JAKMIP2: variants seen among roughly 807,000 people sequenced by gnomAD.
JAKMIP2 encodes janus kinase and microtubule interacting protein 2.
Under a neutral mutation model 115.0 loss-of-function variants are expected in JAKMIP2, and 25 were observed. That is an observed-to-expected ratio of 0.22 (90% CI 0.16 to 0.30). The LOEUF (loss-of-function observed/expected upper bound fraction) is 0.30. Ranked by LOEUF, JAKMIP2 falls within the 10% of genes least tolerant of loss-of-function variation. JAKMIP2 has a pLI of 1.00. For synonymous variants in JAKMIP2, 334 were observed against 343.6 expected, an observed-to-expected ratio of 0.97 and a Z score of 0.31; for missense variants, 642 against 957.6, an observed-to-expected ratio of 0.67 and a Z score of 4.35.
Position 147,586,055 on chromosome 5 carries a change from G to A in JAKMIP2, c.*5652C>T, listed in dbSNP as rs1023895429. Reference sequence around the variant, plus strand: ...GCCTGGATAATTGAAAAACCGAGTGGTCTCTGCCTCAGTCAACAATTGGAA... The same window carrying A: ...GCCTGGATAATTGAAAAACCGAGTGATCTCTGCCTCAGTCAACAATTGGAA... On this transcript the variant is annotated 3_prime_UTR_variant, in exon 22 of 22. Coordinates refer to ENST00000616793, the MANE Select transcript of JAKMIP2 (RefSeq NM_001270941.2). 2.6e-5 allele frequency: 4 copies of A among 151,994 alleles called. No homozygotes were observed. The highest frequency in any genetic ancestry group is 9.7e-5 in the African/African-American group (4 of 41,356). 9.4% of individuals were successfully genotyped at this position (151,994 alleles called of 1,614,324 possible).
At chr5:147,723,563 T>C (rs1027136707) in intron 1 of JAKMIP2, among the ~76,000 whole-genome samples, 9 of 152,160 alleles carry the variant, frequency 5.9e-5, no homozygotes, top group African/African-American at 2.2e-4. Flanking sequence ...TCAAAGGCAA[T>C]TTTTTAGAAC....
intron 1 of JAKMIP2, among the ~76,000 whole-genome samples, chr5:147,762,747 A>G (rs1171001117): frequency 6.6e-6 from 1 of 152,148 alleles, no homozygotes; most frequent in Admixed American, 6.6e-5. Context: ...GACATAATTT[A>G]GTCCATAACA....
At chr5:147,601,496 G>C (rs548634311) in intron 21 of JAKMIP2, among the ~76,000 whole-genome samples, 1 of 152,230 alleles carries the variant, frequency 6.6e-6, no homozygotes, top group East Asian at 1.9e-4. Context: ...CTACTCAGGA[G>C]GCTGAGGTTG....
intron 7 of JAKMIP2, 52 bp downstream of exon 7, chr5:147,644,006 G>A: frequency 1.4e-6 from 2 of 1,433,476 alleles, no homozygotes; most frequent in South Asian, 3.4e-5. Context: ...ATATTTTGTT[G>A]GCTACTTGTC....
chr5:147,753,691 A>C (rs1754641330), intron 1 of JAKMIP2, among the ~76,000 whole-genome samples: 1 of 152,208 alleles, frequency 6.6e-6, no homozygotes, highest in South Asian at 2.1e-4. Context: ...AGCAACTACC[A>C]CTCACACATT....
At chr5:147,631,316 A>G in intron 14 of JAKMIP2, 97 bp downstream of exon 14, 1 of 651,152 alleles carries the variant, frequency 1.5e-6, no homozygotes, top group South Asian at 2.1e-5. Context: ...GATGACATCC[A>G]GTGACTGAAA....
intron 21 of JAKMIP2, among the ~76,000 whole-genome samples, chr5:147,595,986 C>T (rs4705185): frequency 0.94 from 143,851 of 152,224 alleles, 68,378 homozygotes; most frequent in Non-Finnish European, 1. Flanking sequence ...CACAACTGAA[C>T]TGAGATCCGA....
At chr5:147,648,837 A>C (rs940389979) in intron 4 of JAKMIP2, among the ~76,000 whole-genome samples, 2 of 152,190 alleles carry the variant, frequency 1.3e-5, no homozygotes, top group Non-Finnish European at 2.9e-5. Context: ...CCCTTGTGTC[A>C]TGGCCACACA....
chr5:147,768,066 T>TAC (rs200470573), intron 1 of JAKMIP2, among the ~76,000 whole-genome samples: 23 of 151,940 alleles, frequency 1.5e-4, no homozygotes, highest in Admixed American at 5.9e-4. Context: ...ACAAAACCCC[T>TAC]ACACACACAC....
At chr5:147,636,556 C>T (rs1218013510) in intron 11 of JAKMIP2, among the ~76,000 whole-genome samples, 1 of 152,050 alleles carries the variant, frequency 6.6e-6, no homozygotes, top group African/African-American at 2.4e-5. Context: ...CAGAAGTGAC[C>T]ACACAGGCAA....
intron 1 of JAKMIP2, among the ~76,000 whole-genome samples, chr5:147,695,997 A>G (rs1196728389): frequency 1.3e-5 from 2 of 152,180 alleles, no homozygotes; most frequent in East Asian, 1.9e-4. Context: ...AAATACAACA[A>G]TATTTTATGG....
intron 1 of JAKMIP2, among the ~76,000 whole-genome samples, chr5:147,681,244 G>A (rs190562089): frequency 1.3e-5 from 2 of 152,132 alleles, no homozygotes; most frequent in African/African-American, 4.8e-5. Flanking sequence ...CTTTAAGGGG[G>A]ACTGCCAGGA....
Position 147,587,125 on chromosome 5 carries a change from C to G in JAKMIP2, c.*4582G>C, listed in dbSNP as rs185761307. On this transcript the variant is annotated 3_prime_UTR_variant, in exon 22 of 22. Coordinates refer to ENST00000616793, the MANE Select transcript of JAKMIP2 (RefSeq NM_001270941.2). Reference sequence around the variant, plus strand: ...ATAGAAATGACAAGGCAGTAGAACACAATGACATCTTTCCTCACTTAAGAC... The same window carrying G: ...ATAGAAATGACAAGGCAGTAGAACAGAATGACATCTTTCCTCACTTAAGAC... 1.0e-3 allele frequency: 154 copies of G among 152,228 alleles called. No individual in the cohort carries two copies. The highest frequency in any genetic ancestry group is 3.3e-3 in the African/African-American group (136 of 41,524). The allele number at this position is 152,228 out of a possible 1,614,324, so 9.4% of individuals were successfully genotyped here.
chr5:147,677,939 C>T (rs1317492693), intron 1 of JAKMIP2, among the ~76,000 whole-genome samples: 1 of 152,134 alleles, frequency 6.6e-6, no homozygotes, highest in Admixed American at 6.5e-5. Flanking sequence ...CCTCCTAACT[C>T]ACTGAAATTT....
At chr5:147,773,627 T>C (rs1163333451) in intron 1 of JAKMIP2, among the ~76,000 whole-genome samples, 1 of 152,052 alleles carries the variant, frequency 6.6e-6, no homozygotes, top group East Asian at 1.9e-4. Context: ...CATACCATAG[T>C]TAAAAGAGAT....
At chr5:147,683,587 A>C (rs566699847) in intron 1 of JAKMIP2, among the ~76,000 whole-genome samples, 27 of 152,340 alleles carry the variant, frequency 1.8e-4, no homozygotes, top group African/African-American at 6.0e-4. Flanking sequence ...TGGCTTTCAT[A>C]GAACATATTT....
In JAKMIP2 at chr5:147,632,796, G is replaced by A; in HGVS notation, c.1678-18C>T. 1 of 1,524,530 alleles carries A rather than the reference G, an allele frequency of 6.6e-7. No homozygotes were observed. Among genetic ancestry groups the A allele is most frequent in the Non-Finnish European group, 9.1e-7 (1 of 1,100,774 alleles). 94.4% of individuals were successfully genotyped at this position (1,524,530 alleles called of 1,614,324 possible). On this transcript the variant is annotated intron_variant, in intron 12 of 21. Transcript: ENST00000616793. Reference sequence around the variant, plus strand: ...TTTTCTATCTAATAAAGTAAATCCTGAAGTTAGGTAAGCATTGAGAAAAGC... The same window carrying A: ...TTTTCTATCTAATAAAGTAAATCCTAAAGTTAGGTAAGCATTGAGAAAAGC...
At chr5:147,701,432 C>G (rs1752321627) in intron 1 of JAKMIP2, among the ~76,000 whole-genome samples, 1 of 152,090 alleles carries the variant, frequency 6.6e-6, no homozygotes, top group Non-Finnish European at 1.5e-5. Context: ...CTTTTATCCC[C>G]CTAAAATTCA....
At chr5:147,654,343 G>A (rs912853601) in intron 3 of JAKMIP2, among the ~76,000 whole-genome samples, 1 of 151,972 alleles carries the variant, frequency 6.6e-6, no homozygotes, top group Non-Finnish European at 1.5e-5. Context: ...TCCTATCCAT[G>A]AGGATGGAAT....
Sources: gnomAD v4.1 joint callset for allele counts (sites outside exome capture counted in the v4.1 genomes callset) on GRCh38, gnomAD v4.1.1 for gene constraint, MANE v1.5 for transcripts, NCBI Gene and HGNC (gene_info 2026-07-23, HGNC 2026-07-21) for gene names.